The following LRRC4C variants were observed in gnomAD, a reference collection of about 807,000 sequenced individuals.
LRRC4C encodes the protein leucine rich repeat containing 4C.
A neutral mutation model predicts 33.6 loss-of-function variants in LRRC4C; 5 were observed. The observed-to-expected ratio is 0.15, with a 90% CI of 0.08 to 0.31. The LOEUF is 0.31. LRRC4C is among the 10% of genes least tolerant of loss of function. LRRC4C has a pLI of 1.00. For missense variants in LRRC4C, 560 were observed against 796.7 expected (o/e 0.70, Z 3.58); for synonymous variants, 329 against 302.0 (o/e 1.09, Z -0.93).
At chr11:40,493,923 T>C (rs1173681495) in intron 3 of LRRC4C, among the ~76,000 whole-genome samples, 2 of 152,188 alleles carry the variant, frequency 1.3e-5, no homozygotes, top group African/African-American at 4.8e-5. Flanking sequence ...ATGTTCTCCT[T>C]TATGTGATTT....
At chr11:40,619,387 T>C (rs1030636728) in intron 3 of LRRC4C, among the ~76,000 whole-genome samples, 1 of 151,740 alleles carries the variant, frequency 6.6e-6, no homozygotes, top group Admixed American at 6.6e-5. Context: ...ATTGCATGCC[T>C]GTACCAAAAC....
chr11:40,169,901 A>G (rs1859906765), intron 5 of LRRC4C, among the ~76,000 whole-genome samples: 1 of 152,188 alleles, frequency 6.6e-6, no homozygotes, highest in African/African-American at 2.4e-5. Context: ...CTAGAATGCT[A>G]ATTTGGGAAG....
At chr11:40,941,944 C>A (rs1051646618) in intron 1 of LRRC4C, among the ~76,000 whole-genome samples, 2 of 152,164 alleles carry the variant, frequency 1.3e-5, no homozygotes, top group South Asian at 4.1e-4. Flanking sequence ...CATCAAGAAG[C>A]AGGCACTGAG....
chr11:40,690,010 A>G (rs949474908), intron 2 of LRRC4C, among the ~76,000 whole-genome samples: 1 of 152,104 alleles, frequency 6.6e-6, no homozygotes, highest in South Asian at 2.1e-4. Flanking sequence ...AATGCATTCA[A>G]AGTAAAGATT....
chr11:40,473,256 G>T (rs553551290), intron 3 of LRRC4C, among the ~76,000 whole-genome samples: 1 of 152,244 alleles, frequency 6.6e-6, no homozygotes, highest in East Asian at 1.9e-4. Flanking sequence ...TATCCACTAC[G>T]ATCAAGGCAC....
At chr11:40,658,002 GAC>G (rs1943219575) in intron 2 of LRRC4C, among the ~76,000 whole-genome samples, 2 of 152,180 alleles carry the variant, frequency 1.3e-5, no homozygotes, top group South Asian at 4.1e-4. Flanking sequence ...GGTACAAGTT[GAC>G]AGTTTCTTAG....
intron 3 of LRRC4C, among the ~76,000 whole-genome samples, chr11:40,507,555 A>G (rs997947650): frequency 1.3e-5 from 2 of 152,156 alleles, no homozygotes; most frequent in African/African-American, 4.8e-5. Context: ...TGAAAAAGGT[A>G]TGGTAACGCC....
At chr11:40,434,727 G>A (rs2137892241) in intron 3 of LRRC4C, among the ~76,000 whole-genome samples, 1 of 152,296 alleles carries the variant, frequency 6.6e-6, no homozygotes, top group Non-Finnish European at 1.5e-5. Context: ...ATAGCCAGCA[G>A]TGTGGCACTT....
At chr11:40,156,187 A>G (rs1350444540) in intron 5 of LRRC4C, among the ~76,000 whole-genome samples, 2 of 152,154 alleles carry the variant, frequency 1.3e-5, no homozygotes, top group Non-Finnish European at 2.9e-5. Context: ...AAATCAGCAT[A>G]CAAGAGACAT....
intron 3 of LRRC4C, among the ~76,000 whole-genome samples, chr11:40,530,194 C>T (rs16934905): frequency 0.088 from 13,365 of 151,814 alleles, 1,666 homozygotes; most frequent in African/African-American, 0.28. Context: ...TTTCTGACTT[C>T]GCTAGAACTC....
At chr11:41,446,895 T>C (rs1955844167) in intron 1 of LRRC4C, among the ~76,000 whole-genome samples, 1 of 152,304 alleles carries the variant, frequency 6.6e-6, no homozygotes, top group Non-Finnish European at 1.5e-5. Context: ...CTGTTTTAAG[T>C]TTAACAAGTA....
intron 1 of LRRC4C, among the ~76,000 whole-genome samples, chr11:41,448,028 G>A (rs928934943): frequency 6.7e-5 from 10 of 150,020 alleles, no homozygotes; most frequent in African/African-American, 2.5e-4. Context: ...GGGCAAATGT[G>A]ATAATTTGTA....
chr11:40,408,119 T>A (rs1005503171), intron 3 of LRRC4C, among the ~76,000 whole-genome samples: 9 of 152,032 alleles, frequency 5.9e-5, no homozygotes. Context: ...CAATCGGATA[T>A]GAGATTCCTA....
chr11:41,188,390 G>C (rs1274358350), intron 1 of LRRC4C, among the ~76,000 whole-genome samples: 1 of 152,102 alleles, frequency 6.6e-6, no homozygotes, highest in Non-Finnish European at 1.5e-5. Flanking sequence ...CAAAAAAGCA[G>C]CATAGCGTAA....
At chr11:40,928,611 G>A (rs1357568271) in intron 2 of LRRC4C, among the ~76,000 whole-genome samples, 1 of 152,054 alleles carries the variant, frequency 6.6e-6, no homozygotes, top group Non-Finnish European at 1.5e-5. Context: ...GAAGGCCACA[G>A]TCCAGTCATA....
intron 1 of LRRC4C, among the ~76,000 whole-genome samples, chr11:41,075,765 G>A (rs1939104686): frequency 6.6e-6 from 1 of 151,902 alleles, no homozygotes; most frequent in African/African-American, 2.4e-5. Flanking sequence ...ATTTTCTCTT[G>A]TATGCACTCC....
chr11:40,530,720 T>C (rs550773189), intron 3 of LRRC4C, among the ~76,000 whole-genome samples: 6 of 152,228 alleles, frequency 3.9e-5, no homozygotes, highest in South Asian at 4.1e-4. Flanking sequence ...ATGAATGAGA[T>C]AAGGCCCCGT....
chr11:40,918,794 T>G (rs966173364), intron 2 of LRRC4C, among the ~76,000 whole-genome samples: 1 of 152,150 alleles, frequency 6.6e-6, no homozygotes, highest in Non-Finnish European at 1.5e-5. Flanking sequence ...AGATTTTTTC[T>G]CTGTCATCAC....
At position 41,172,074 on chromosome 11, in the gene LRRC4C, G is replaced by C. The variant is rs572764325; in HGVS notation, c.-495-238351C>G. On this transcript the variant is annotated intron_variant, in intron 1 of 6. Transcript: ENST00000528697. ...ACAGAGACAAGATAGGAGCAAGTGT[G>C]ATTATTTTGAGATGACTCAAATTAG... Among the ~76,000 whole-genome samples, 4 of 152,222 alleles carry C rather than the reference G, an allele frequency of 2.6e-5. No homozygotes were observed. In the South Asian group the frequency reaches 8.3e-4, roughly 32 times the overall value.
Sources: gnomAD v4.1 joint callset for allele counts (sites outside exome capture counted in the v4.1 genomes callset) on GRCh38, gnomAD v4.1.1 for gene constraint, MANE v1.5 for transcripts, NCBI Gene and HGNC (gene_info 2026-07-23, HGNC 2026-07-21) for gene names.